The following TNFRSF10B variants were observed in gnomAD, a reference collection of about 807,000 sequenced individuals.
TNFRSF10B encodes tumor necrosis factor receptor superfamily member 10B.
In TNFRSF10B, 35 loss-of-function variants were observed where a neutral mutation model predicts 41.4. The ratio of observed to expected loss-of-function variants is 0.85; its 90% CI spans 0.65 to 1.12. The LOEUF (loss-of-function observed/expected upper bound fraction) is 1.12, where lower values mean the gene tolerates loss of function less well. Ranked by LOEUF, TNFRSF10B falls within the 50% of genes most tolerant of loss-of-function variation. The pLI is 0.00. For missense variants in TNFRSF10B, 584 were observed against 552.7 expected (o/e 1.06, Z -0.57); for synonymous variants, 230 against 215.5 (o/e 1.07, Z -0.59).
At chr8:23,034,244 G>A (rs1167260972) in intron 2 of TNFRSF10B, among the ~76,000 whole-genome samples, 1 of 152,056 alleles carries the variant, frequency 6.6e-6, no homozygotes, top group Non-Finnish European at 1.5e-5. Context: ...TCTCAGAAAG[G>A]GGCCAGTGGG....
intron 2 of TNFRSF10B, among the ~76,000 whole-genome samples, chr8:23,034,718 C>T (rs1014468047): frequency 6.6e-6 from 1 of 152,142 alleles, no homozygotes; most frequent in Non-Finnish European, 1.5e-5. Flanking sequence ...AGAGTGATAC[C>T]CTGCCTGTAA....
At chr8:23,061,766 G>A (rs1474639650) in intron 1 of TNFRSF10B, among the ~76,000 whole-genome samples, 1 of 152,138 alleles carries the variant, frequency 6.6e-6, no homozygotes, top group Non-Finnish European at 1.5e-5. Flanking sequence ...TTTATCAGAG[G>A]CTTTCCCTGT....
intron 1 of TNFRSF10B, among the ~76,000 whole-genome samples, chr8:23,053,924 T>C (rs1812591789): frequency 6.6e-6 from 1 of 152,220 alleles, no homozygotes; most frequent in Admixed American, 6.5e-5. Context: ...AATTCTGATA[T>C]ATCTTAGTGT....
chr8:23,029,540 A>C, intron 4 of TNFRSF10B, 70 bp downstream of exon 4: 1 of 1,453,426 alleles, frequency 6.9e-7, no homozygotes, highest in Admixed American at 2.0e-5. Context: ...GGGGAGAGAC[A>C]GGGGTACAAG....
intron 1 of TNFRSF10B, among the ~76,000 whole-genome samples, chr8:23,053,049 G>C (rs973462686): frequency 1.3e-5 from 2 of 152,214 alleles, no homozygotes; most frequent in Non-Finnish European, 2.9e-5. Flanking sequence ...TGTAAGTTGT[G>C]AAAGAATTTA....
At position 23,022,821 on chromosome 8, in the gene TNFRSF10B, G is replaced by C; in HGVS notation, c.1173C>G (p.Asn391Lys). 1.2e-6 allele frequency: 2 copies of C among 1,613,958 alleles called. No homozygotes were observed. The highest frequency in any genetic ancestry group is 1.7e-6 in the Non-Finnish European group (2 of 1,179,912). Residue 391 changes from asparagine (N) to lysine (K), a missense_variant, in exon 9 of 9, where the codon AAC becomes AAG. Physicochemically the swap from Asn to Lys is moderately conservative, Grantham distance 94. Transcript: ENST00000276431. ...TLYTMLIKWV[N>K]KTGRDASVHT... Reference sequence around the variant, plus strand: ...GGACAGAGGCATCTCGCCCGGTTTTGTTGACCCACTTTATCAGCATCGTGT... The same window carrying C: ...GGACAGAGGCATCTCGCCCGGTTTTCTTGACCCACTTTATCAGCATCGTGT...
intron 2 of TNFRSF10B, among the ~76,000 whole-genome samples, chr8:23,034,312 T>C (rs1040200384): frequency 1.3e-5 from 2 of 152,194 alleles, no homozygotes; most frequent in African/African-American, 4.8e-5. Flanking sequence ...GGAATAGACA[T>C]ACTCAGCAGC....
At chr8:23,029,797 C>T (rs1811826145) in intron 3 of TNFRSF10B, 76 bp from the exon 4 acceptor site, 1 of 1,416,624 alleles carries the variant, frequency 7.1e-7, no homozygotes. Flanking sequence ...ACCCCAAGAC[C>T]CTGCTACTCA....
At chr8:23,027,326 G>C in intron 6 of TNFRSF10B, 38 bp from the exon 7 acceptor site, 1 of 1,613,264 alleles carries the variant, frequency 6.2e-7, no homozygotes, top group Middle Eastern at 1.7e-4. Flanking sequence ...AGCCGACTCA[G>C]GAGTCCACAC....
rs542997290 is a variant in TNFRSF10B, at chr8:23,048,848, T to C, written c.145-5605A>G. ...TTCGCCTGGGCTCAAGCAGTCCTCCTGCCTCAGCCTCTCAAAGTGCTGAGA... is the reference window on the plus strand; with the variant it reads ...TTCGCCTGGGCTCAAGCAGTCCTCCCGCCTCAGCCTCTCAAAGTGCTGAGA... On this transcript the variant is annotated intron_variant, in intron 1 of 8. Coordinates refer to ENST00000276431, the MANE Select transcript of TNFRSF10B (RefSeq NM_003842.5). 1.9e-4 allele frequency among the ~76,000 whole-genome samples: 29 copies of C among 152,318 alleles called. No individual in the cohort carries two copies. In the South Asian group the frequency reaches 5.4e-3, roughly 28 times the overall value.
Position 23,020,764 on chromosome 8 carries a change from G to A in TNFRSF10B, c.*1907C>T, listed in dbSNP as rs1374889316. On this transcript the variant is annotated 3_prime_UTR_variant, in exon 9 of 9. Coordinates refer to ENST00000276431, the MANE Select transcript of TNFRSF10B (RefSeq NM_003842.5). Reference sequence around the variant, plus strand: ...CACTCTAGATGCATCTTCTAGGAAGGCCTCTGTGGAAGGGACAAGGGACCT... The same window carrying A: ...CACTCTAGATGCATCTTCTAGGAAGACCTCTGTGGAAGGGACAAGGGACCT... 1 of 453,940 alleles carries A rather than the reference G, an allele frequency of 2.2e-6. No individual in the cohort carries two copies. The highest frequency in any genetic ancestry group is 2.4e-5 in the Admixed American group (1 of 42,546). The allele number at this position is 453,940 out of a possible 1,614,324, so 28.1% of individuals were successfully genotyped here.
chr8:23,061,123 A>G (rs1200050133), intron 1 of TNFRSF10B, among the ~76,000 whole-genome samples: 1 of 152,210 alleles, frequency 6.6e-6, no homozygotes, highest in East Asian at 1.9e-4. Flanking sequence ...TAATCATAAA[A>G]AATCCCACAA....
chr8:23,052,283 A>G (rs1300505088), intron 1 of TNFRSF10B, among the ~76,000 whole-genome samples: 1 of 130,138 alleles, frequency 7.7e-6, no homozygotes, highest in Non-Finnish European at 1.6e-5. Flanking sequence ...TTTAAAGGGT[A>G]ACTTTTTTTT....
In TNFRSF10B at chr8:23,042,206, C is replaced by G. The variant is rs143283691; in HGVS notation, c.250+932G>C. On this transcript the variant is annotated intron_variant, in intron 2 of 8. Transcript: ENST00000276431. ...CAGATGAGTTTGTGTCTGCTTCACG[C>G]TGGGTTCTTCCTTCTCCATGCTCTG... Among the ~76,000 whole-genome samples, 5 of 152,352 alleles carry G rather than the reference C, an allele frequency of 3.3e-5. No individual in the cohort carries two copies. In the East Asian group the frequency reaches 5.8e-4, roughly 18 times the overall value.
intron 2 of TNFRSF10B, among the ~76,000 whole-genome samples, chr8:23,034,226 C>T (rs1406313020): frequency 6.6e-6 from 1 of 152,140 alleles, no homozygotes; most frequent in Non-Finnish European, 1.5e-5. Context: ...AAACTAAGCT[C>T]AAGTCCATCT....
At position 23,022,842 on chromosome 8, in the gene TNFRSF10B, C is replaced by G; in HGVS notation, c.1152G>C (p.Thr384=). 1.2e-6 allele frequency: 2 copies of G among 1,614,100 alleles called. No homozygotes were observed. The highest frequency in any genetic ancestry group is 1.7e-6 in the Non-Finnish European group (2 of 1,180,016). The change falls in exon 9 of 9, where the codon ACG becomes ACC. Residue 384 remains threonine, a synonymous_variant. Coordinates refer to ENST00000276431, the MANE Select transcript of TNFRSF10B (RefSeq NM_003842.5). The stretch of plus-strand genomic sequence containing the variant: ...TTTTGTTGACCCACTTTATCAGCAT[C>G]GTGTACAAGGTGTCCCTGTGGCCCG... ...EAAGHRDTLY[T]MLIKWVNKTG...
chr8:23,021,671 CTT>C lies in TNFRSF10B; in HGVS notation c.*998_*999del, dbSNP rs1208537131. The C allele has an allele frequency of 1.1e-5, 5 of 454,140 alleles. No individual in the cohort carries two copies. In the Admixed American group the frequency reaches 1.2e-4, roughly 11 times the overall value. The allele number at this position is 454,140 out of a possible 1,614,324, so 28.1% of individuals were successfully genotyped here. A position where few individuals can be genotyped will look rare whatever the true frequency, so the allele number is the denominator to read the frequency against. On this transcript the variant is annotated 3_prime_UTR_variant, in exon 9 of 9. Coordinates refer to ENST00000276431, the MANE Select transcript of TNFRSF10B (RefSeq NM_003842.5). ...CAGGACTTCACGTGGATCCAGTTCT[CTT>C]TGGTCCCGACTCATATGTAAACAAC...
At chr8:23,068,652 G>A in intron 1 of TNFRSF10B, 99 bp downstream of exon 1, 1 of 1,482,062 alleles carries the variant, frequency 6.7e-7, no homozygotes, top group South Asian at 1.3e-5. Flanking sequence ...GGCCGCAGGC[G>A]ACCCGGGCCA....
At chr8:23,038,244 G>A (rs894918929) in intron 2 of TNFRSF10B, among the ~76,000 whole-genome samples, 1 of 152,190 alleles carries the variant, frequency 6.6e-6, no homozygotes, top group Non-Finnish European at 1.5e-5. Flanking sequence ...AAACTACCAC[G>A]ACCCTATTAA....
Sources: gnomAD v4.1 joint callset for allele counts (sites outside exome capture counted in the v4.1 genomes callset) on GRCh38, gnomAD v4.1.1 for gene constraint, MANE v1.5 for transcripts, NCBI Gene and HGNC (gene_info 2026-07-23, HGNC 2026-07-21) for gene names.